The following DCLK2 variants were observed in gnomAD, a reference collection of about 807,000 sequenced individuals.
DCLK2 encodes doublecortin like kinase 2.
Under a neutral mutation model 78.4 loss-of-function variants are expected in DCLK2, and 31 were observed. That is an observed-to-expected ratio of 0.40 (90% confidence interval 0.30 to 0.53). The LOEUF is 0.53. DCLK2 is among the 20% of genes least tolerant of loss of function. The pLI is 0.61. For synonymous variants in DCLK2, 407 were observed against 374.9 expected, an observed-to-expected ratio of 1.09 and a Z score of -0.99; for missense variants, 872 against 973.7, an observed-to-expected ratio of 0.90 and a Z score of 1.39.
intron 2 of DCLK2, among the ~76,000 whole-genome samples, chr4:150,126,473 C>T (rs1189351770): frequency 6.6e-6 from 1 of 152,144 alleles, no homozygotes; most frequent in East Asian, 1.9e-4. Flanking sequence ...AAATGCTTCA[C>T]AGAGGAGGTG....
At chr4:150,083,712 A>G (rs1729455808) in intron 1 of DCLK2, among the ~76,000 whole-genome samples, 1 of 152,226 alleles carries the variant, frequency 6.6e-6, no homozygotes, top group Non-Finnish European at 1.5e-5. Flanking sequence ...GTCGAAAATG[A>G]TGCACACTAA....
At chr4:150,142,359 C>T (rs766093530) in intron 2 of DCLK2, among the ~76,000 whole-genome samples, 6 of 152,172 alleles carry the variant, frequency 3.9e-5, no homozygotes, top group Non-Finnish European at 2.9e-5. Context: ...CCAGATCTTT[C>T]TTCTCTGAAG....
At chr4:150,170,854 A>C (rs1736476685) in intron 2 of DCLK2, among the ~76,000 whole-genome samples, 1 of 152,184 alleles carries the variant, frequency 6.6e-6, no homozygotes, top group Admixed American at 6.5e-5. Context: ...ATGTAAAATT[A>C]AGTGCTTTTG....
intron 15 of DCLK2, among the ~76,000 whole-genome samples, chr4:150,255,724 TG>T (rs1744509665): frequency 6.6e-6 from 1 of 152,320 alleles, no homozygotes; most frequent in African/African-American, 2.4e-5. Context: ...GGTCTGGGCT[TG>T]GGCTGAAGGG....
intron 2 of DCLK2, among the ~76,000 whole-genome samples, chr4:150,120,732 G>C (rs1732469866): frequency 6.6e-6 from 1 of 152,170 alleles, no homozygotes; most frequent in Non-Finnish European, 1.5e-5. Flanking sequence ...TGTTAAGTGT[G>C]CAGTAGCATT....
At chr4:150,203,438 C>G (rs1242567740) in intron 4 of DCLK2, among the ~76,000 whole-genome samples, 1 of 152,118 alleles carries the variant, frequency 6.6e-6, no homozygotes, top group Non-Finnish European at 1.5e-5. Context: ...TATGGAACAG[C>G]CTTCATAGTA....
intron 6 of DCLK2, among the ~76,000 whole-genome samples, chr4:150,221,113 C>T (rs944976043): frequency 6.6e-6 from 1 of 152,168 alleles, no homozygotes; most frequent in Non-Finnish European, 1.5e-5. Flanking sequence ...CTTCTGTGTG[C>T]TGGACACTGG....
chr4:150,149,503 G>A (rs1052504636), intron 2 of DCLK2, among the ~76,000 whole-genome samples: 1 of 152,180 alleles, frequency 6.6e-6, no homozygotes, highest in Non-Finnish European at 1.5e-5. Flanking sequence ...GGAATAGAGA[G>A]CATTGTGGAG....
At position 150,256,183 on chromosome 4, in the gene DCLK2, C is replaced by T. The variant is rs1309442590; in HGVS notation, c.2237C>T (p.Pro746Leu). 1.9e-6 allele frequency: 3 copies of T among 1,552,778 alleles called. No individual in the cohort carries two copies. The highest frequency in any genetic ancestry group is 2.6e-6 in the Non-Finnish European group (3 of 1,150,186). Residue 746 changes from proline to leucine, a missense_variant, in exon 16 of 16, where the codon CCC becomes CTC. Physicochemically the swap from Pro to Leu is moderately conservative, Grantham distance 98 (BLOSUM62 -3). Transcript: ENST00000296550. Reference sequence around the variant, plus strand: ...CCCACCCCTCCGGAATCTCCCACCCCCCACCCTCCTCCCGCTGCCCCGGGT... The same window carrying T: ...CCCACCCCTCCGGAATCTCCCACCCTCCACCCTCCTCCCGCTGCCCCGGGT... ...PAPTPPESPT[P>L]HPPPAAPGGE...
In DCLK2 at chr4:150,176,843, C is replaced by T. The variant is rs181965153; in HGVS notation, c.757-16295C>T. ...GGATGGTTATTTAAGACAGCTGGCTCCTCCAGCAAAGCATAGAGCTTGATG... is the reference window on the plus strand; with the variant it reads ...GGATGGTTATTTAAGACAGCTGGCTTCTCCAGCAAAGCATAGAGCTTGATG... On this transcript the variant is annotated intron_variant, in intron 2 of 15. Transcript: ENST00000296550. 9.8e-5 allele frequency among the ~76,000 whole-genome samples: 15 copies of T among 152,324 alleles called. No homozygotes were observed. The East Asian group carries it at 2.9e-3, about 29-fold the overall frequency.
chr4:150,176,606 T>A (rs1445324662), intron 2 of DCLK2, among the ~76,000 whole-genome samples: 1 of 152,178 alleles, frequency 6.6e-6, no homozygotes, highest in East Asian at 1.9e-4. Context: ...AGGGTATTCA[T>A]TCAGGTGCCA....
chr4:150,172,476 G>A (rs966001964), intron 2 of DCLK2, among the ~76,000 whole-genome samples: 4 of 151,778 alleles, frequency 2.6e-5, no homozygotes, highest in African/African-American at 7.3e-5. Flanking sequence ...GCATCATGGC[G>A]GGCGCCTGTA....
At chr4:150,232,873 C>G (rs1441503117) in intron 10 of DCLK2, 45 bp downstream of exon 10, 1 of 1,589,862 alleles carries the variant, frequency 6.3e-7, no homozygotes, top group Non-Finnish European at 8.6e-7. Context: ...GCCTCTCTTC[C>G]TTTAAAAGGA....
At position 150,220,716 on chromosome 4, in the gene DCLK2, A is replaced by T. The variant is rs1741122803; in HGVS notation, c.1070A>T (p.His357Leu). Reference sequence around the variant, plus strand: ...CTCCTCTTTCAGCAGATTTCTGCTCATGGCAGATCTTCTTCCAATGTAAAC... The same window carrying T: ...CTCCTCTTTCAGCAGATTTCTGCTCTTGGCAGATCTTCTTCCAATGTAAAC... ...SFRGLKQISA[H>L]GRSSSNVNGG... Residue 357 changes from histidine (H) to leucine (L), a missense_variant, in exon 6 of 16, where the codon CAT becomes CTT. Coordinates refer to ENST00000296550, the MANE Select transcript of DCLK2 (RefSeq NM_001040260.4). 1.2e-6 allele frequency: 2 copies of T among 1,613,436 alleles called. No individual in the cohort carries two copies. The highest frequency in any genetic ancestry group is 1.7e-6 in the Non-Finnish European group (2 of 1,179,662).
rs111402136 is a variant in DCLK2, at chr4:150,078,951, C to T, written c.-77C>T. On this transcript the variant is annotated 5_prime_UTR_variant, in exon 1 of 16. Coordinates refer to ENST00000296550, the MANE Select transcript of DCLK2 (RefSeq NM_001040260.4). ...CCGGCGCGTTAAGGGCCCTCGCAGT[C>T]AGACGTCCCTGCACCGGCGCTCGCA... 3.7e-3 allele frequency: 5,313 copies of T among 1,426,042 alleles called. 113 individuals are homozygous for T. The African/African-American group carries it at 0.054, about 14-fold the overall frequency. 88.3% of individuals were successfully genotyped at this position (1,426,042 alleles called of 1,614,324 possible). A position where few individuals can be genotyped will look rare whatever the true frequency, so the allele number is the denominator to read the frequency against.
At chr4:150,194,039 ACACAC>A (rs1738676438) in intron 3 of DCLK2, among the ~76,000 whole-genome samples, 1 of 95,248 alleles carries the variant, frequency 1.0e-5, no homozygotes, top group Non-Finnish European at 2.5e-5. Context: ...ACACACACAC[ACACAC>A]ACACACACAC....
chr4:150,093,290 T>C (rs1273632404), intron 1 of DCLK2, among the ~76,000 whole-genome samples: 5 of 152,226 alleles, frequency 3.3e-5, no homozygotes, highest in Non-Finnish European at 7.3e-5. Context: ...AGACATCCTG[T>C]GTTCATGAAT....
chr4:150,182,676 A>G (rs560909770), intron 2 of DCLK2, among the ~76,000 whole-genome samples: 2 of 152,242 alleles, frequency 1.3e-5, no homozygotes, highest in South Asian at 4.1e-4. Flanking sequence ...GGGGGGTTTA[A>G]AATGAAATGC....
intron 2 of DCLK2, among the ~76,000 whole-genome samples, chr4:150,183,762 C>T (rs1448124926): frequency 1.3e-5 from 2 of 148,772 alleles, no homozygotes; most frequent in African/African-American, 5.0e-5. Context: ...GAGACAGAGT[C>T]TCACTCTATT....
Sources: allele counts gnomAD v4.1 joint callset (sites outside exome capture counted in the v4.1 genomes callset), GRCh38; gene constraint gnomAD v4.1.1; transcripts MANE v1.5; gene names NCBI Gene and HGNC (gene_info 2026-07-23, HGNC 2026-07-21).